CYLD: variants seen among roughly 807,000 people sequenced by gnomAD.
CYLD encodes the protein ubiquitin carboxyl-terminal hydrolase CYLD.
A neutral mutation model predicts 104.5 loss-of-function variants in CYLD; 26 were observed. That is an observed-to-expected ratio of 0.25 (90% CI 0.18 to 0.35). CYLD has a LOEUF of 0.35. Among genes scored for constraint, CYLD ranks in the 10% least tolerant of loss-of-function variants. CYLD has a pLI of 1.00. For missense variants in CYLD, 703 were observed against 1,136.1 expected (o/e 0.62, Z 5.48); for synonymous variants, 385 against 399.9 (o/e 0.96, Z 0.45).
chr16:50,790,914 T>G (rs1971372448), intron 14 of CYLD, among the ~76,000 whole-genome samples: 1 of 152,218 alleles, frequency 6.6e-6, no homozygotes, highest in South Asian at 2.1e-4. Flanking sequence ...GGAAAGATGC[T>G]CAAAATATAA....
intron 4 of CYLD, among the ~76,000 whole-genome samples, chr16:50,753,722 T>G (rs887981935): frequency 1.3e-5 from 2 of 152,224 alleles, no homozygotes. Context: ...TAGTTCCCTG[T>G]ACAGCACAGT....
intron 2 of CYLD, among the ~76,000 whole-genome samples, chr16:50,748,165 C>CTATCTCAATGGCCA: frequency 6.6e-6 from 1 of 152,272 alleles, no homozygotes; most frequent in Admixed American, 6.5e-5. Flanking sequence ...ATGGATACCT[C>CTATCTCAATGGCCA]TATCTCAAGG....
Position 50,777,874 on chromosome 16 carries a change from C to T in CYLD, c.1071C>T (p.Thr357=), listed in dbSNP as rs1269659441. ...GNRNRSELFY[T]LNGSSVDSQP... ...GAAACAGATCTGAATTATTTTATAC[C>T]TTAAATGGGTCTTCTGTTGACTCAC... Residue 357 remains threonine (T), a synonymous_variant, in exon 8 of 19, where the codon ACC becomes ACT. Coordinates refer to ENST00000427738, the MANE Select transcript of CYLD (RefSeq NM_001378743.1). 1.2e-6 allele frequency: 2 copies of T among 1,609,068 alleles called. No individual in the cohort carries two copies. The highest frequency in any genetic ancestry group is 1.7e-6 in the Non-Finnish European group (2 of 1,176,000).
chr16:50,752,912 T>C (rs1232179142), intron 4 of CYLD, among the ~76,000 whole-genome samples: 1 of 152,202 alleles, frequency 6.6e-6, no homozygotes, highest in African/African-American at 2.4e-5. Context: ...ATTTTTATCA[T>C]ATATTGAACA....
intron 5 of CYLD, among the ~76,000 whole-genome samples, chr16:50,769,006 G>C (rs951853897): frequency 2.0e-5 from 3 of 152,022 alleles, no homozygotes; most frequent in African/African-American, 7.2e-5. Flanking sequence ...TATTTCACTC[G>C]ACATAATTAT....
At chr16:50,788,609 G>A (rs778395789) in intron 14 of CYLD, among the ~76,000 whole-genome samples, 19 of 152,102 alleles carry the variant, frequency 1.2e-4, no homozygotes, top group Non-Finnish European at 2.6e-4. Context: ...TGTTTGGGAA[G>A]TTCTTATGAA....
chr16:50,742,396 C>G, intron 1 of CYLD: 1 of 166,948 alleles, frequency 6.0e-6, no homozygotes, highest in Non-Finnish European at 1.3e-5. Flanking sequence ...GACGTCAGCC[C>G]GGGTTTCCCC....
intron 2 of CYLD, among the ~76,000 whole-genome samples, chr16:50,747,556 G>A (rs1456121259): frequency 2.0e-5 from 3 of 152,190 alleles, no homozygotes; most frequent in Non-Finnish European, 4.4e-5. Context: ...GTGTTGACAT[G>A]TTAAAAGCAT....
chr16:50,751,269 T>C (rs961900592), intron 3 of CYLD, among the ~76,000 whole-genome samples: 2 of 152,228 alleles, frequency 1.3e-5, no homozygotes, highest in Non-Finnish European at 2.9e-5. Flanking sequence ...CAATAAGTGC[T>C]TAATGAATGG....
At position 50,791,684 on chromosome 16, in the gene CYLD, T is replaced by C. The variant is rs1169478096; in HGVS notation, c.2235T>C (p.Phe745=). 6.2e-7 allele frequency: 1 copy of C among 1,613,868 alleles called. No homozygotes were observed. Among genetic ancestry groups the C allele is most frequent in the South Asian group, 1.1e-5 (1 of 91,080 alleles). ...EWSFINSNLK[F]AEAPSCLIIQ... ...CTTTTATCAACAGTAACCTGAAATT[T>C]GCAGAGGTTAGTGATACTCACCTGT... The change falls in exon 15 of 19, where the codon TTT becomes TTC. Residue 745 remains phenylalanine, a synonymous_variant. Coordinates refer to ENST00000427738, the MANE Select transcript of CYLD (RefSeq NM_001378743.1).
chr16:50,742,483 A>G (rs1189338056), intron 1 of CYLD: 1 of 286,264 alleles, frequency 3.5e-6, no homozygotes, highest in East Asian at 5.6e-5. Flanking sequence ...GGTCGCCACC[A>G]TCGGGACCCC....
At chr16:50,766,132 T>G (rs1968490642) in intron 5 of CYLD, among the ~76,000 whole-genome samples, 1 of 152,230 alleles carries the variant, frequency 6.6e-6, no homozygotes, top group Non-Finnish European at 1.5e-5. Context: ...AGTCAATGCC[T>G]GGCTTCAAAG....
intron 5 of CYLD, among the ~76,000 whole-genome samples, chr16:50,772,603 G>A (rs971470822): frequency 1.3e-5 from 2 of 152,140 alleles, no homozygotes; most frequent in African/African-American, 4.8e-5. Flanking sequence ...TCCTACTGAT[G>A]AGCATTTAGG....
At chr16:50,766,021 T>C (rs1169383586) in intron 5 of CYLD, among the ~76,000 whole-genome samples, 2 of 152,212 alleles carry the variant, frequency 1.3e-5, no homozygotes, top group African/African-American at 4.8e-5. Context: ...GCTAAGTTAA[T>C]TGATGAAAGT....
chr16:50,765,501 A>G (rs1007308493), intron 5 of CYLD, among the ~76,000 whole-genome samples: 1 of 152,194 alleles, frequency 6.6e-6, no homozygotes, highest in Non-Finnish European at 1.5e-5. Flanking sequence ...AGGCCAAGTC[A>G]TAATCCTACA....
At position 50,779,870 on chromosome 16, in the gene CYLD, G is replaced by T; in HGVS notation, c.1344G>T (p.Glu448Asp). The T allele has an allele frequency of 6.2e-7, 1 of 1,614,044 alleles. No individual in the cohort carries two copies. Among genetic ancestry groups the T allele is most frequent in the South Asian group, 1.1e-5 (1 of 91,076 alleles). ...LSLSAQSVME[E>D]LNTAPVQESP... ...TGTCAGCCCAGTCTGTAATGGAAGA[G>T]CTAAACACTGCACCCGTCCAAGAGA... is the stretch of plus-strand genomic sequence containing the variant. Residue 448 changes from glutamate to aspartate, a missense_variant, in exon 9 of 19, where the codon GAG becomes GAT. This residue lies in a region of CYLD where 183 missense variants were observed against 212.1 expected (regional missense o/e 0.86). Transcript: ENST00000427738.
At chr16:50,752,039 AT>A in intron 4 of CYLD, 133 bp downstream of exon 4, 1 of 280,150 alleles carries the variant, frequency 3.6e-6, no homozygotes, top group Non-Finnish European at 5.9e-6. Flanking sequence ...ATATATATGT[AT>A]TAGTTTTAGG....
chr16:50,743,750 A>G lies in CYLD; in HGVS notation c.-124+909A>G. On this transcript the variant is annotated intron_variant, in intron 2 of 18. Coordinates refer to ENST00000427738, the MANE Select transcript of CYLD (RefSeq NM_001378743.1). Reference sequence around the variant, plus strand: ...CATCATACATGCTAGTTGAGGCTGTAGGAAGCTAGTATCAAATAAACCTCA... The same window carrying G: ...CATCATACATGCTAGTTGAGGCTGTGGGAAGCTAGTATCAAATAAACCTCA... Among the ~76,000 whole-genome samples, 2 of 152,198 alleles carry G rather than the reference A, an allele frequency of 1.3e-5. 1 individual carries two copies.
rs528844666 is a variant in CYLD at position 50,798,098 on chromosome 16, T to C, written c.*1590T>C. 2.1e-3 allele frequency: 484 copies of C among 232,046 alleles called. 1 individual carries two copies. The highest frequency in any genetic ancestry group is 3.3e-3 in the Non-Finnish European group (382 of 117,246). The allele number at this position is 232,046 out of a possible 1,614,324, so 14.4% of individuals were successfully genotyped here. A position where few individuals can be genotyped will look rare whatever the true frequency, so the allele number is the denominator to read the frequency against. On this transcript the variant is annotated 3_prime_UTR_variant, in exon 19 of 19. Transcript: ENST00000427738. ...AAAATGAAGGGTGTGGGGTAAAAGATGCATAAGGCCTTTTCTAGCTCTGAC... is the reference window on the plus strand; with the variant it reads ...AAAATGAAGGGTGTGGGGTAAAAGACGCATAAGGCCTTTTCTAGCTCTGAC...
Sources: allele counts gnomAD v4.1 joint callset (sites outside exome capture counted in the v4.1 genomes callset), GRCh38; gene constraint gnomAD v4.1.1; regional missense constraint gnomAD v4.1.1; transcripts MANE v1.5; gene names NCBI Gene and HGNC (gene_info 2026-07-23, HGNC 2026-07-21).